The following MKLN1 variants were observed in gnomAD, a reference collection of about 807,000 sequenced individuals.
MKLN1 encodes the protein muskelin.
A neutral mutation model predicts 99.0 loss-of-function variants in MKLN1; 18 were observed. That is an observed-to-expected ratio of 0.18 (90% CI 0.13 to 0.27). The LOEUF (loss-of-function observed/expected upper bound fraction) is 0.27. Ranked by LOEUF, MKLN1 falls within the 10% of genes least tolerant of loss-of-function variation. The pLI is 1.00. For synonymous variants in MKLN1, 288 were observed against 293.2 expected (o/e 0.98, Z 0.18); for missense variants, 621 against 875.9 (o/e 0.71, Z 3.67).
At chr7:131,332,394 A>G (rs923435832) in intron 1 of MKLN1, among the ~76,000 whole-genome samples, 7 of 148,482 alleles carry the variant, frequency 4.7e-5, no homozygotes, top group African/African-American at 1.7e-4. Context: ...TCTACAAAAG[A>G]AAAAGACAGC....
intron 3 of MKLN1, among the ~76,000 whole-genome samples, chr7:131,301,467 C>G (rs1798376239): frequency 1.3e-5 from 2 of 152,106 alleles, no homozygotes; most frequent in Non-Finnish European, 2.9e-5. Flanking sequence ...AGAAAGGTCT[C>G]TATTAAAAAA....
chr7:131,123,989 G>A (rs1795416462), intron 1 of MKLN1, among the ~76,000 whole-genome samples: 1 of 152,150 alleles, frequency 6.6e-6, no homozygotes, highest in African/African-American at 2.4e-5. Context: ...ACAATAGGCA[G>A]TCAGACAAAA....
intron 10 of MKLN1, 55 bp from the exon 11 acceptor site, chr7:131,443,426 G>A (rs1222685391): frequency 2.3e-6 from 3 of 1,325,516 alleles, no homozygotes; most frequent in African/African-American, 2.9e-5. Context: ...TTTTGTTTTA[G>A]CACATATGAC....
intron 2 of MKLN1, among the ~76,000 whole-genome samples, chr7:131,199,982 G>A (rs1796703867): frequency 6.6e-6 from 1 of 152,180 alleles, no homozygotes; most frequent in Non-Finnish European, 1.5e-5. Context: ...ATAGGTGTGA[G>A]CCACTGCACC....
rs148560037 is a variant in MKLN1, at chr7:131,433,985, G to C, written c.961-3800G>C. On this transcript the variant is annotated intron_variant, in intron 9 of 17. Transcript: ENST00000352689. ...TGCAACCCCCTTCTCCCAGGTTCAA[G>C]TGATTCTCCTACCTCAGCCTCCCGA... Among the ~76,000 whole-genome samples, 70 of 151,206 alleles carry C rather than the reference G, an allele frequency of 4.6e-4. 1 individual carries two copies. In the East Asian group the frequency reaches 0.012, roughly 27 times the overall value.
chr7:131,461,720 G>A (rs1388283676), intron 12 of MKLN1, among the ~76,000 whole-genome samples: 1 of 152,112 alleles, frequency 6.6e-6, no homozygotes, highest in Non-Finnish European at 1.5e-5. Context: ...AGCTTTTTGA[G>A]CACATGATAA....
In MKLN1 at chr7:131,179,692, A is replaced by G. The variant is rs185195314; in HGVS notation, c.-296-23165A>G. On this transcript the variant is annotated intron_variant, in intron 2 of 7. Coordinates refer to the MKLN1 transcript ENST00000416992. ...TGGGTTCAAGCAATTCTCCTGCCTC[A>G]GCCTCCCGAGTAGCTGGGACTACAG... is the stretch of plus-strand genomic sequence containing the variant. 2.1e-3 allele frequency among the ~76,000 whole-genome samples: 312 copies of G among 151,878 alleles called. 1 individual carries two copies. Among genetic ancestry groups the G allele is most frequent in the African/African-American group, 7.0e-3 (288 of 41,396 alleles).
intron 8 of MKLN1, among the ~76,000 whole-genome samples, chr7:131,416,959 G>A (rs1795034097): frequency 7.9e-6 from 1 of 126,776 alleles, no homozygotes; most frequent in Admixed American, 9.2e-5. Flanking sequence ...ACCTGCCTGG[G>A]CAACAAAGCG....
In MKLN1 at chr7:131,396,492, T is replaced by C. The variant is rs1483549404; in HGVS notation, c.401-775T>C. 3.3e-5 allele frequency among the ~76,000 whole-genome samples: 5 copies of C among 152,184 alleles called. No individual in the cohort carries two copies. In the East Asian group the frequency reaches 7.7e-4, roughly 23 times the overall value. ...TCTAATTAGTGACAAATAGTAGAGATATTGGACATCTTTGTCTTGTTCTGA... is the reference window on the plus strand; with the variant it reads ...TCTAATTAGTGACAAATAGTAGAGACATTGGACATCTTTGTCTTGTTCTGA... On this transcript the variant is annotated intron_variant, in intron 4 of 17. Coordinates refer to ENST00000352689, the MANE Select transcript of MKLN1 (RefSeq NM_013255.5).
At chr7:131,122,865 C>T (rs1240514398) in intron 1 of MKLN1, among the ~76,000 whole-genome samples, 1 of 150,992 alleles carries the variant, frequency 6.6e-6, no homozygotes, top group African/African-American at 2.4e-5. Context: ...ACTAAAAATA[C>T]AAAAAAAATT....
chr7:131,368,603 G>A (rs866157724), intron 1 of MKLN1, among the ~76,000 whole-genome samples: 2 of 152,120 alleles, frequency 1.3e-5, no homozygotes, highest in South Asian at 2.1e-4. Context: ...ATCAGATCTT[G>A]TGAGAAGTCA....
chr7:131,163,625 G>A (rs898376347), intron 2 of MKLN1, among the ~76,000 whole-genome samples: 4 of 152,124 alleles, frequency 2.6e-5, no homozygotes, highest in Non-Finnish European at 5.9e-5. Flanking sequence ...AGTTTCAGTG[G>A]AGAGGAGAGA....
rs1377252694 is a variant in MKLN1, at chr7:131,489,557, A to C, written c.*1829A>C. The C allele has an allele frequency of 1.3e-5, 2 of 152,176 alleles. No individual in the cohort carries two copies. Among genetic ancestry groups the C allele is most frequent in the Non-Finnish European group, 2.9e-5 (2 of 68,024 alleles). 9.4% of individuals were successfully genotyped at this position (152,176 alleles called of 1,614,324 possible). A position where few individuals can be genotyped will look rare whatever the true frequency, so the allele number is the denominator to read the frequency against. On this transcript the variant is annotated 3_prime_UTR_variant, in exon 18 of 18. Transcript: ENST00000352689. ...AAATCTTTTGTGGAGACAGGTGCAA[A>C]TCAGAAGATTGACAAGGAAGAACTT...
At chr7:131,484,658 T>C (rs1351270586) in intron 17 of MKLN1, among the ~76,000 whole-genome samples, 1 of 152,176 alleles carries the variant, frequency 6.6e-6, no homozygotes, top group Non-Finnish European at 1.5e-5. Flanking sequence ...AACACAGCAT[T>C]GTACTTCTAC....
intron 2 of MKLN1, among the ~76,000 whole-genome samples, chr7:131,143,966 A>T (rs1376077045): frequency 1.3e-5 from 2 of 152,228 alleles, no homozygotes; most frequent in Non-Finnish European, 2.9e-5. Context: ...CATACTGCCT[A>T]TCGTCAACCC....
intron 3 of MKLN1, among the ~76,000 whole-genome samples, chr7:131,283,457 TCTCA>T (rs1798089191): frequency 6.9e-6 from 1 of 144,922 alleles, no homozygotes; most frequent in Admixed American, 6.9e-5. Context: ...TGAGACAGCA[TCTCA>T]CTCTGTTGCC....
chr7:131,454,218 A>G lies in MKLN1; in HGVS notation c.1525+8315A>G, dbSNP rs190637837. ...ACAGAGATATTTATTGTAGTATTGT[A>G]TGCAAGGAGAAAAAATCTGAAGACG... On this transcript the variant is annotated intron_variant, in intron 12 of 17. Transcript: ENST00000352689. Among the ~76,000 whole-genome samples, 4 of 152,300 alleles carry G rather than the reference A, an allele frequency of 2.6e-5. No individual in the cohort carries two copies. In the East Asian group the frequency reaches 7.7e-4, roughly 29 times the overall value.
chr7:131,483,254 G>GA (rs1267772902), intron 17 of MKLN1, among the ~76,000 whole-genome samples: 2 of 151,688 alleles, frequency 1.3e-5, no homozygotes, highest in Admixed American at 1.3e-4. Context: ...TTTATTTTTA[G>GA]AAAAAAACAT....
Position 131,387,106 on chromosome 7 carries a change from G to T in MKLN1, c.169-14G>T. 1 of 1,578,386 alleles carries T rather than the reference G, an allele frequency of 6.3e-7. No individual in the cohort carries two copies. The highest frequency in any genetic ancestry group is 2.3e-5 in the East Asian group (1 of 44,402). On this transcript the variant is annotated splice_polypyrimidine_tract_variant and intron_variant, in intron 2 of 17. Coordinates refer to ENST00000352689, the MANE Select transcript of MKLN1 (RefSeq NM_013255.5). ...AAACAGAAGAGGATATAATTTGGTC[G>T]TTTCTTTTTTTAGTACTTGATTCTA...
Sources: allele counts gnomAD v4.1 joint callset (sites outside exome capture counted in the v4.1 genomes callset), GRCh38; gene constraint gnomAD v4.1.1; transcripts MANE v1.5; gene names NCBI Gene and HGNC (gene_info 2026-07-23, HGNC 2026-07-21).